The following SLC5A7 variants were observed in gnomAD, a reference collection of about 807,000 sequenced individuals.
SLC5A7 encodes the protein solute carrier family 5 member 7, also known as high affinity choline transporter 1.
In SLC5A7, 19 loss-of-function variants were observed where a neutral mutation model predicts 55.4. The ratio of observed to expected loss-of-function variants is 0.34; its 90% CI spans 0.24 to 0.50. SLC5A7 has a LOEUF of 0.50. Ranked by LOEUF, SLC5A7 falls within the 20% of genes least tolerant of loss-of-function variation. The pLI is 0.98. For missense variants in SLC5A7, 506 were observed against 705.3 expected (o/e 0.72, Z 3.20); for synonymous variants, 265 against 263.7 (o/e 1.00, Z -0.05).
chr2:107,987,172 A>G (rs333238), intron 1 of SLC5A7, among the ~76,000 whole-genome samples: 122,563 of 151,946 alleles, frequency 0.81, 50,237 homozygotes, highest in African/African-American at 0.89. Context: ...AGAAACTTGT[A>G]TGTGAGAGTT....
intron 5 of SLC5A7, among the ~76,000 whole-genome samples, chr2:107,998,298 C>T (rs555193672): frequency 9.9e-5 from 15 of 152,252 alleles, no homozygotes; most frequent in East Asian, 5.8e-4. Context: ...CCATTTCCCT[C>T]GGCAGAGATA....
chr2:107,995,915 G>T (rs1677653172), intron 4 of SLC5A7, among the ~76,000 whole-genome samples: 1 of 152,020 alleles, frequency 6.6e-6, no homozygotes. Context: ...ATACCTCAAA[G>T]TATCACTTTG....
At position 108,003,349 on chromosome 2, in the gene SLC5A7, C is replaced by T. The variant is rs576872675; in HGVS notation, c.741+1309C>T. On this transcript the variant is annotated intron_variant, in intron 6 of 8. Transcript: ENST00000264047. ...TCAAAGTCCTTTCCCCTACAGCACA[C>T]TTTAGTCTTCAGACTATTCATCTTT... Among the ~76,000 whole-genome samples, 15 of 152,334 alleles carry T rather than the reference C, an allele frequency of 9.8e-5. No homozygotes were observed. In the South Asian group the frequency reaches 2.9e-3, roughly 29 times the overall value.
intron 5 of SLC5A7, 97 bp downstream of exon 5, chr2:107,998,083 C>A: frequency 1.6e-6 from 2 of 1,249,264 alleles, no homozygotes; most frequent in Non-Finnish European, 2.2e-6. Flanking sequence ...ATTATTTTCC[C>A]TCATGAGTAA....
At chr2:108,000,219 C>G (rs1012039179) in intron 5 of SLC5A7, among the ~76,000 whole-genome samples, 3 of 152,140 alleles carry the variant, frequency 2.0e-5, no homozygotes, top group African/African-American at 7.2e-5. Context: ...ATCTAAACAT[C>G]TCTTCCTTCA....
intron 5 of SLC5A7, among the ~76,000 whole-genome samples, chr2:107,999,400 TG>T (rs1213474292): frequency 2.0e-5 from 3 of 152,192 alleles, no homozygotes; most frequent in Non-Finnish European, 2.9e-5. Flanking sequence ...AACCTGTTAT[TG>T]ATGATATATG....
intron 2 of SLC5A7, among the ~76,000 whole-genome samples, chr2:107,988,804 T>C (rs964540863): frequency 1.3e-5 from 2 of 152,228 alleles, no homozygotes; most frequent in African/African-American, 4.8e-5. Flanking sequence ...TCTGCATAAA[T>C]AAATTTGGGG....
rs1371082817 is a variant in SLC5A7, at chr2:108,012,218, A to C, written c.*1357A>C. 2 of 152,046 alleles carry C rather than the reference A, an allele frequency of 1.3e-5. No individual in the cohort carries two copies. Among genetic ancestry groups the C allele is most frequent in the Non-Finnish European group, 2.9e-5 (2 of 67,964 alleles). The allele number at this position is 152,046 out of a possible 1,614,324, so 9.4% of individuals were successfully genotyped here. On this transcript the variant is annotated 3_prime_UTR_variant, in exon 9 of 9. Transcript: ENST00000264047. ...ATGTGTAATGATTTGTGTCCATTTC[A>C]AGTGTTTTCACACCAGTCACACATT...
rs1408114676 is a variant in SLC5A7, at chr2:107,997,690, T to C, written c.449-148T>C. 3 of 705,168 alleles carry C rather than the reference T, an allele frequency of 4.3e-6. No homozygotes were observed. In the African/African-American group the frequency reaches 5.5e-5, roughly 13 times the overall value. 43.7% of individuals were successfully genotyped at this position (705,168 alleles called of 1,614,324 possible). On this transcript the variant is annotated intron_variant, in intron 4 of 8. Coordinates refer to ENST00000264047, the MANE Select transcript of SLC5A7 (RefSeq NM_021815.5). ...TTATTAAGATATACAAATTTCAATA[T>C]AAAAATTAACTTTAGGTGTTTTCAT...
chr2:107,989,019 A>T (rs776334522), intron 2 of SLC5A7, among the ~76,000 whole-genome samples: 1 of 152,168 alleles, frequency 6.6e-6, no homozygotes, highest in Non-Finnish European at 1.5e-5. Context: ...CTCTCATTCA[A>T]ACCTTCTTTG....
rs552932787 is a variant in SLC5A7 at position 108,013,903 on chromosome 2, C to G, written c.*3042C>G. ...TAATGAATTTTATGTGACTATGAAACGAATATAAGCTTAAAATAAGTGAAT... is the reference window on the plus strand; with the variant it reads ...TAATGAATTTTATGTGACTATGAAAGGAATATAAGCTTAAAATAAGTGAAT... On this transcript the variant is annotated 3_prime_UTR_variant, in exon 9 of 9. Coordinates refer to ENST00000264047, the MANE Select transcript of SLC5A7 (RefSeq NM_021815.5). 1.3e-5 allele frequency: 2 copies of G among 151,910 alleles called. No individual in the cohort carries two copies. Among genetic ancestry groups the G allele is most frequent in the African/African-American group, 4.8e-5 (2 of 41,378 alleles). The allele number at this position is 151,910 out of a possible 1,614,324, so 9.4% of individuals were successfully genotyped here.
Position 108,010,466 on chromosome 2 carries a change from G to A in SLC5A7, c.1348G>A (p.Gly450Arg). The change falls in exon 9 of 9, where the codon GGG becomes AGG. Residue 450 changes from glycine (G) to arginine (R), a missense_variant. Physicochemically the swap from Gly to Arg is moderately radical, Grantham distance 125 (BLOSUM62 -2). Around this residue, in one of 4 missense-constraint regions of SLC5A7, gnomAD observed 309 missense variants for 478.6 expected, o/e 0.65. Coordinates refer to ENST00000264047, the MANE Select transcript of SLC5A7 (RefSeq NM_021815.5). Reference protein sequence around the residue: ...VSGLFLRITGGEPYLYLQPLI... With the variant: ...VSGLFLRITGREPYLYLQPLI... ...TGGCCTCTTCCTGAGAATAACTGGA[G>A]GGGAGCCATATCTGTATCTTCAGCC... The A allele has an allele frequency of 1.2e-6, 2 of 1,613,914 alleles. No homozygotes were observed. The highest frequency in any genetic ancestry group is 1.7e-6 in the Non-Finnish European group (2 of 1,179,914).
At chr2:107,992,778 G>A (rs542067918) in intron 3 of SLC5A7, among the ~76,000 whole-genome samples, 194 bp from the exon 4 acceptor site, 1 of 152,230 alleles carries the variant, frequency 6.6e-6, no homozygotes, top group Admixed American at 6.5e-5. Context: ...CACATACAAT[G>A]GTAAGTGTAC....
intron 2 of SLC5A7, among the ~76,000 whole-genome samples, 167 bp downstream of exon 2, chr2:107,988,500 A>G (rs1276825771): frequency 6.6e-6 from 1 of 152,180 alleles, no homozygotes; most frequent in Non-Finnish European, 1.5e-5. Flanking sequence ...TTGATTTAAA[A>G]CCTAAAAATA....
At position 107,997,879 on chromosome 2, in the gene SLC5A7, T is replaced by G. The variant is rs760736259; in HGVS notation, c.490T>G (p.Ser164Ala). 27 of 1,612,772 alleles carry G rather than the reference T, an allele frequency of 1.7e-5. No individual in the cohort carries two copies. Reference sequence around the variant, plus strand: ...GATCATCGATGTGGATATGCACATTTCTGTCATCATCTCTGCACTCATTGC... The same window carrying G: ...GATCATCGATGTGGATATGCACATTGCTGTCATCATCTCTGCACTCATTGC... ...SVIIDVDMHISVIISALIATL... is the reference protein window; with the variant it reads ...SVIIDVDMHIAVIISALIATL... Residue 164 changes from serine to alanine, a missense_variant, in exon 5 of 9, where the codon TCT becomes GCT. Physicochemically the swap from Ser to Ala is moderately conservative, Grantham distance 99. Coordinates refer to ENST00000264047, the MANE Select transcript of SLC5A7 (RefSeq NM_021815.5).
chr2:107,995,763 T>A (rs538780284), intron 4 of SLC5A7, among the ~76,000 whole-genome samples: 1 of 152,316 alleles, frequency 6.6e-6, no homozygotes, highest in East Asian at 1.9e-4. Flanking sequence ...AATCTTAAAC[T>A]ATCTTCTTGG....
In SLC5A7 at chr2:108,008,569, T is replaced by G; in HGVS notation, c.1000T>G (p.Phe334Val). ...GTATCTCTGCCCTGTGTATATTTCT[T>G]TCTTTGGTCTTGGTGCAGTTTCTGC... ...LQYLCPVYISFFGLGAVSAAV... is the reference protein window; with the variant it reads ...LQYLCPVYISVFGLGAVSAAV... Residue 334 changes from phenylalanine (F) to valine (V), a missense_variant, in exon 8 of 9, where the codon TTC (phenylalanine) becomes GTC (valine). Transcript: ENST00000264047. 6.2e-7 allele frequency: 1 copy of G among 1,613,674 alleles called. No individual in the cohort carries two copies. The highest frequency in any genetic ancestry group is 8.5e-7 in the Non-Finnish European group (1 of 1,179,832).
chr2:108,006,348 A>G, intron 7 of SLC5A7, 146 bp downstream of exon 7: 1 of 695,046 alleles, frequency 1.4e-6, no homozygotes, highest in Non-Finnish European at 2.1e-6. Flanking sequence ...AGCATTCAGT[A>G]AATCGTATTA....
rs1001889637 is a variant in SLC5A7 at position 108,010,605 on chromosome 2, A to G, written c.1487A>G (p.Tyr496Cys). The G allele has an allele frequency of 3.1e-6, 5 of 1,613,884 alleles. No individual in the cohort carries two copies. Among genetic ancestry groups the G allele is most frequent in the Non-Finnish European group, 4.2e-6 (5 of 1,179,962 alleles). The change falls in exon 9 of 9, where the codon TAT (tyrosine) becomes TGT (cysteine). Residue 496 changes from tyrosine to cysteine, a missense_variant. Physicochemically the swap from Tyr to Cys is radical, Grantham distance 194. Around this residue, in one of 4 missense-constraint regions of SLC5A7, gnomAD observed 137 missense variants for 143.6 expected, o/e 0.95. Coordinates refer to ENST00000264047, the MANE Select transcript of SLC5A7 (RefSeq NM_021815.5). Reference sequence around the variant, plus strand: ...TTCTTAACCAACATTTGCATCTCCTATCTAGCCAAGTATCTATTTGAAAGT... The same window carrying G: ...TTCTTAACCAACATTTGCATCTCCTGTCTAGCCAAGTATCTATTTGAAAGT... ...TSFLTNICISYLAKYLFESGT... is the reference protein window; with the variant it reads ...TSFLTNICISCLAKYLFESGT...
Sources: gnomAD v4.1 joint callset for allele counts (sites outside exome capture counted in the v4.1 genomes callset) on GRCh38, gnomAD v4.1.1 for gene constraint, gnomAD v4.1.1 regional missense constraint, MANE v1.5 for transcripts, NCBI Gene and HGNC (gene_info 2026-07-23, HGNC 2026-07-21) for gene names.